Variants in GTF3C6 observed in about 807,000 individuals in gnomAD.
GTF3C6 encodes general transcription factor 3C polypeptide 6.
In GTF3C6, 11 loss-of-function variants were observed where a neutral mutation model predicts 19.2. The observed-to-expected ratio is 0.57, with a 90% CI of 0.36 to 0.95. The LOEUF (loss-of-function observed/expected upper bound fraction) is 0.95, where lower values mean the gene tolerates loss of function less well. Among genes scored for constraint, GTF3C6 ranks in the 40% least tolerant of loss-of-function variants. The pLI, the probability that GTF3C6 is intolerant of heterozygous loss-of-function variation, is 0.01. For synonymous variants in GTF3C6, 87 were observed against 84.2 expected, an observed-to-expected ratio of 1.03 and a Z score of -0.18; for missense variants, 222 against 254.7, an observed-to-expected ratio of 0.87 and a Z score of 0.87.
In GTF3C6 at chr6:110,967,840, T is replaced by G; in HGVS notation, c.*50T>G. On this transcript the variant is annotated 3_prime_UTR_variant, in exon 6 of 6. Transcript: ENST00000329970. ...CTCATAATAACTTGTCAAGAACTTT[T>G]TAGAGTTGTTACATAAAAATAATTG... The G allele has an allele frequency of 6.8e-7, 1 of 1,465,564 alleles. No individual in the cohort carries two copies. The highest frequency in any genetic ancestry group is 1.3e-5 in the South Asian group (1 of 75,636). 90.8% of individuals were successfully genotyped at this position (1,465,564 alleles called of 1,614,324 possible).
intron 5 of GTF3C6, among the ~76,000 whole-genome samples, chr6:110,965,877 C>A (rs894927012): frequency 5.3e-5 from 8 of 152,196 alleles, no homozygotes; most frequent in African/African-American, 1.9e-4. Context: ...TTCCGTGAAT[C>A]AGGAATTTGG....
At chr6:110,961,582 C>T (rs1031647159) in intron 4 of GTF3C6, among the ~76,000 whole-genome samples, 3 of 152,210 alleles carry the variant, frequency 2.0e-5, no homozygotes, top group African/African-American at 4.8e-5. Context: ...CCTTATCCTC[C>T]GTCCTGCCTA....
intron 5 of GTF3C6, among the ~76,000 whole-genome samples, 156 bp downstream of exon 5, chr6:110,962,661 G>A (rs955876861): frequency 2.0e-5 from 3 of 152,174 alleles, no homozygotes; most frequent in Non-Finnish European, 4.4e-5. Context: ...GGAATGCACT[G>A]GCACAATCTC....
At position 110,964,167 on chromosome 6, in the gene GTF3C6, C is replaced by T. The variant is rs139088286; in HGVS notation, c.361+1662C>T. The stretch of plus-strand genomic sequence containing the variant: ...TTGGCTCACTGTGACCTCTGCCCCC[C>T]ATCCCCCTACCTCAGCCTCCCCAGT... On this transcript the variant is annotated intron_variant, in intron 5 of 5. Transcript: ENST00000329970. Among the ~76,000 whole-genome samples the T allele has an allele frequency of 1.9e-3, 282 of 152,096 alleles. 1 individual carries two copies. Among genetic ancestry groups the T allele is most frequent in the African/African-American group, 6.3e-3 (260 of 41,480 alleles).
At position 110,963,117 on chromosome 6, in the gene GTF3C6, C is replaced by T. The variant is rs1329751527; in HGVS notation, c.361+612C>T. On this transcript the variant is annotated intron_variant, in intron 5 of 5. Transcript: ENST00000329970. ...TTTTTTAGTAGAGACCGGATTTTAC[C>T]GTGTTGGCCAGGCTGGTCTTAAACT... Among the ~76,000 whole-genome samples, 5 of 152,074 alleles carry T rather than the reference C, an allele frequency of 3.3e-5. No homozygotes were observed. The East Asian group carries it at 5.8e-4, about 18-fold the overall frequency.
rs777941129 is a variant in GTF3C6 at position 110,967,572 on chromosome 6, A to T, written c.424A>T (p.Asn142Tyr). The change falls in exon 6 of 6, where the codon AAC (asparagine) becomes TAC (tyrosine). Residue 142 changes from asparagine to tyrosine, a missense_variant. Asn to Tyr is a moderately radical substitution (Grantham distance 143). Transcript: ENST00000329970. The part of the protein sequence containing the change: ...DFSYRPNMIC[N>Y]FLHENEDEEV... ...CTCCTATCGACCCAACATGATTTGT[A>T]ACTTTCTACATGAAAATGAAGACGA... The T allele has an allele frequency of 6.2e-7, 1 of 1,614,034 alleles. No individual in the cohort carries two copies. Among genetic ancestry groups the T allele is most frequent in the Non-Finnish European group, 8.5e-7 (1 of 1,179,954 alleles).
intron 1 of GTF3C6, 116 bp downstream of exon 1, chr6:110,958,942 C>A: frequency 3.3e-6 from 4 of 1,221,516 alleles, no homozygotes; most frequent in Non-Finnish European, 4.6e-6. Context: ...CTGCTCCTCA[C>A]CGGCTTCTTG....
chr6:110,960,391 T>A (rs778410104), intron 2 of GTF3C6, 23 bp from the exon 3 acceptor site: 23 of 1,547,580 alleles, frequency 1.5e-5, no homozygotes, highest in East Asian at 2.3e-5. Flanking sequence ...GTTTTTTTTT[T>A]ATGATCCTTT....
At chr6:110,966,503 C>T (rs1361473742) in intron 5 of GTF3C6, among the ~76,000 whole-genome samples, 2 of 152,002 alleles carry the variant, frequency 1.3e-5, no homozygotes, top group Non-Finnish European at 2.9e-5. Context: ...ACAGTCTTGT[C>T]ATTTCCACAA....
chr6:110,965,183 C>T (rs1771215831), intron 5 of GTF3C6, among the ~76,000 whole-genome samples: 1 of 147,020 alleles, frequency 6.8e-6, no homozygotes, highest in African/African-American at 2.5e-5. Context: ...TACTATGTTA[C>T]CCAGCTGGTC....
intron 5 of GTF3C6, among the ~76,000 whole-genome samples, chr6:110,967,207 CAG>C (rs1771241426): frequency 6.6e-6 from 1 of 151,598 alleles, no homozygotes; most frequent in African/African-American, 2.4e-5. Context: ...CATGAGATGG[CAG>C]AGAGTGCTCA....
Position 110,967,664 on chromosome 6 carries a change from C to T in GTF3C6, c.516C>T (p.Asp172=). The T allele has an allele frequency of 1.2e-6, 2 of 1,614,094 alleles. No individual in the cohort carries two copies. Among genetic ancestry groups the T allele is most frequent in the Non-Finnish European group, 1.7e-6 (2 of 1,179,988 alleles). Reference sequence around the variant, plus strand: ...AAGAGGAAGAGATTCAAATGAACGACAGTTCAAACCTGAGTTGTGAACAGG... The same window carrying T: ...AAGAGGAAGAGATTCAAATGAACGATAGTTCAAACCTGAGTTGTGAACAGG... ...ELEEEEIQMN[D]SSNLSCEQEK... Residue 172 remains aspartate, a synonymous_variant, in exon 6 of 6, where the codon GAC becomes GAT. Transcript: ENST00000329970.
Position 110,958,735 on chromosome 6 carries a change from T to C in GTF3C6, c.-35T>C, listed in dbSNP as rs766271471. The C allele has an allele frequency of 9.7e-6, 15 of 1,549,460 alleles. No individual in the cohort carries two copies. The highest frequency in any genetic ancestry group is 1.0e-5 in the Non-Finnish European group (12 of 1,146,560). ...TCAAGATGGCGGCTCCGGGCGGGCG[T>C]GGCCAGTGACTAGAAGGCGAGGCGC... On this transcript the variant is annotated 5_prime_UTR_variant, in exon 1 of 6. Coordinates refer to ENST00000329970, the MANE Select transcript of GTF3C6 (RefSeq NM_138408.4).
At chr6:110,966,220 T>G (rs1462899813) in intron 5 of GTF3C6, among the ~76,000 whole-genome samples, 1 of 152,132 alleles carries the variant, frequency 6.6e-6, no homozygotes, top group East Asian at 1.9e-4. Context: ...ACACCTGTAA[T>G]CCCAGCACTT....
chr6:110,960,824 G>C (rs1771151163), intron 4 of GTF3C6, among the ~76,000 whole-genome samples: 1 of 151,976 alleles, frequency 6.6e-6, no homozygotes. Context: ...GCCAAGGCAG[G>C]CAGGTTACTT....
chr6:110,960,414 G>A lies in GTF3C6; in HGVS notation c.139G>A (p.Gly47Ser). 1 of 1,611,610 alleles carries A rather than the reference G, an allele frequency of 6.2e-7. No individual in the cohort carries two copies. The highest frequency in any genetic ancestry group is 8.5e-7 in the Non-Finnish European group (1 of 1,178,802). Residue 47 changes from glycine to serine, a missense_variant and splice_region_variant, in exon 3 of 6, where the codon GGC becomes AGC. Transcript: ENST00000329970. ...SKCENKCKVL[G>S]IDTERPILQV... is the part of the protein sequence containing the mutation. ...TTTATGATCCTTTATTCTGTTGTAG[G>A]GCATTGACACTGAGAGGCCCATTCT...
At position 110,959,217 on chromosome 6, in the gene GTF3C6, T is replaced by A. The variant is rs941456492; in HGVS notation, c.103T>A (p.Phe35Ile). 6.2e-7 allele frequency: 1 copy of A among 1,612,760 alleles called. No individual in the cohort carries two copies. The highest frequency in any genetic ancestry group is 8.5e-7 in the Non-Finnish European group (1 of 1,178,800). Reference protein sequence around the residue: ...VELSGIIDSDFLSKCENKCKV... With the variant: ...VELSGIIDSDILSKCENKCKV... ...ATTATCAGGAATTATTGATTCAGAC[T>A]TCCTCTCAAAATGTGAAAATAAATG... Residue 35 changes from phenylalanine to isoleucine, a missense_variant, in exon 2 of 6, where the codon TTC becomes ATC. Transcript: ENST00000329970.
At position 110,962,469 on chromosome 6, in the gene GTF3C6, C is replaced by T; in HGVS notation, c.325C>T (p.Leu109Phe). The T allele has an allele frequency of 6.2e-7, 1 of 1,610,786 alleles. No homozygotes were observed. The highest frequency in any genetic ancestry group is 8.5e-7 in the Non-Finnish European group (1 of 1,176,984). ...GAAGAAGCTCAGCATGACAAGAACT[C>T]TCCTGACAGAGAAGAAGGAAGGAGA... ...TMKKLSMTRT[L>F]LTEKKEGEEN... Residue 109 changes from leucine (L) to phenylalanine (F), a missense_variant, in exon 5 of 6, where the codon CTC (leucine) becomes TTC (phenylalanine). Physicochemically the swap from Leu to Phe is conservative, Grantham distance 22. Coordinates refer to ENST00000329970, the MANE Select transcript of GTF3C6 (RefSeq NM_138408.4).
intron 2 of GTF3C6, 109 bp downstream of exon 2, chr6:110,959,361 A>G (rs1411132329): frequency 9.9e-6 from 7 of 708,596 alleles, no homozygotes; most frequent in Non-Finnish European, 1.7e-5. Context: ...TTCACCTTAC[A>G]AAGTAGTGAA....
Sources: allele counts gnomAD v4.1 joint callset (sites outside exome capture counted in the v4.1 genomes callset), GRCh38; gene constraint gnomAD v4.1.1; transcripts MANE v1.5; gene names NCBI Gene and HGNC (gene_info 2026-07-23, HGNC 2026-07-21).